ALOX15B: variants seen among roughly 807,000 people sequenced by gnomAD.
ALOX15B encodes the protein arachidonate 15-lipoxygenase type B, also known as polyunsaturated fatty acid lipoxygenase ALOX15B.
In ALOX15B, 74 loss-of-function variants were observed where a neutral mutation model predicts 73.8. The observed-to-expected ratio is 1.00, with a 90% CI of 0.83 to 1.22. ALOX15B has a LOEUF of 1.22. Among genes scored for constraint, ALOX15B ranks in the 50% most tolerant of loss-of-function variants. The pLI is 0.00. For synonymous variants in ALOX15B, 353 were observed against 357.2 expected, an observed-to-expected ratio of 0.99 and a Z score of 0.13; for missense variants, 896 against 859.9, an observed-to-expected ratio of 1.04 and a Z score of -0.52.
chr17:8,048,811 G>A lies in ALOX15B; in HGVS notation c.*246G>A, dbSNP rs1437448399. 2.2e-5 allele frequency: 9 copies of A among 418,308 alleles called. No individual in the cohort carries two copies. Among genetic ancestry groups the A allele is most frequent in the Non-Finnish European group, 3.8e-5 (9 of 239,920 alleles). 25.9% of individuals were successfully genotyped at this position (418,308 alleles called of 1,614,324 possible). A position where few individuals can be genotyped will look rare whatever the true frequency, so the allele number is the denominator to read the frequency against. ...GACAGAACCACTGAGTCTTTTGGAG[G>A]CTCCAAGCCTCAAAGTGCCCGCAGA... On this transcript the variant is annotated 3_prime_UTR_variant, in exon 14 of 14. Coordinates refer to ENST00000380183, the MANE Select transcript of ALOX15B (RefSeq NM_001141.3).
chr17:8,039,551 C>T lies in ALOX15B; in HGVS notation c.313C>T (p.Pro105Ser), dbSNP rs917627708. Residue 105 changes from proline (P) to serine (S), a missense_variant, in exon 2 of 14, where the codon CCC becomes TCC. Transcript: ENST00000380183. Reference sequence around the variant, plus strand: ...GCCGCGGGGCGGCCACCTCCTCTTCCCCTGCTACCAGTGGCTGGAGGGGGC... The same window carrying T: ...GCCGCGGGGCGGCCACCTCCTCTTCTCCTGCTACCAGTGGCTGGAGGGGGC... The part of the protein sequence containing the change: ...TPPRGGHLLF[P>S]CYQWLEGAGT... 1.3e-6 allele frequency: 2 copies of T among 1,541,792 alleles called. No homozygotes were observed. Among genetic ancestry groups the T allele is most frequent in the Admixed American group, 1.9e-5 (1 of 51,440 alleles).
chr17:8,047,829 G>T lies in ALOX15B; in HGVS notation c.1765G>T (p.Gly589Cys). 2 of 1,614,146 alleles carry T rather than the reference G, an allele frequency of 1.2e-6. No individual in the cohort carries two copies. Among genetic ancestry groups the T allele is most frequent in the Non-Finnish European group, 1.7e-6 (2 of 1,180,026 alleles). Residue 589 changes from glycine to cysteine, a missense_variant, in exon 13 of 14, where the codon GGC becomes TGC. Coordinates refer to ENST00000380183, the MANE Select transcript of ALOX15B (RefSeq NM_001141.3). ...CTCCAAAGGCCTGGCAACATGCGAGGGCTTCATAGCCACCCTCCCACCTGT... is the reference window on the plus strand; with the variant it reads ...CTCCAAAGGCCTGGCAACATGCGAGTGCTTCATAGCCACCCTCCCACCTGT... ...PTSKGLATCE[G>C]FIATLPPVNA...
intron 9 of ALOX15B, 54 bp downstream of exon 9, chr17:8,046,808 T>A: frequency 6.2e-7 from 1 of 1,612,346 alleles, no homozygotes; most frequent in Non-Finnish European, 8.5e-7. Flanking sequence ...ATGTGACGAA[T>A]TTGAGGTCCT....
chr17:8,043,761 A>G (rs1435762918), intron 5 of ALOX15B, among the ~76,000 whole-genome samples: 4 of 152,106 alleles, frequency 2.6e-5, no homozygotes, highest in Non-Finnish European at 5.9e-5. Flanking sequence ...TGTGAGGGGT[A>G]CTGCCAAGAG....
chr17:8,046,790 C>A (rs1363077018), intron 9 of ALOX15B, 36 bp downstream of exon 9: 1 of 1,612,860 alleles, frequency 6.2e-7, no homozygotes, highest in Admixed American at 1.7e-5. Flanking sequence ...AGGCAGGCCA[C>A]TCCTTCAATG....
At chr17:8,046,517 C>T in intron 8 of ALOX15B, 151 bp from the exon 9 acceptor site, 1 of 730,864 alleles carries the variant, frequency 1.4e-6, no homozygotes, top group Non-Finnish European at 2.3e-6. Context: ...CCAGCAGGAA[C>T]TCCAGGGCTC....
intron 5 of ALOX15B, among the ~76,000 whole-genome samples, chr17:8,043,290 AG>A: frequency 1.3e-5 from 2 of 152,184 alleles, no homozygotes. Flanking sequence ...AGCTCTCCCA[AG>A]GGGGTGAACT....
chr17:8,048,013 C>T (rs554593315), intron 13 of ALOX15B, 98 bp downstream of exon 13: 757 of 1,406,010 alleles, frequency 5.4e-4, no homozygotes, highest in Non-Finnish European at 6.7e-4. Flanking sequence ...CATCAGGTAG[C>T]GGGTCCCTTT....
intron 9 of ALOX15B, 70 bp downstream of exon 9, chr17:8,046,824 A>G: frequency 6.2e-7 from 1 of 1,611,556 alleles, no homozygotes; most frequent in Non-Finnish European, 8.5e-7. Context: ...GTCCTGGGGT[A>G]GGAGTGGCCC....
chr17:8,040,421 T>C (rs905107412), intron 3 of ALOX15B, among the ~76,000 whole-genome samples: 2 of 151,590 alleles, frequency 1.3e-5, no homozygotes, highest in South Asian at 2.1e-4. Flanking sequence ...GGCGGGCACC[T>C]GTATTCTCAG....
intron 3 of ALOX15B, among the ~76,000 whole-genome samples, chr17:8,040,647 G>GA (rs756810852): frequency 2.3e-4 from 28 of 122,382 alleles, no homozygotes; most frequent in African/African-American, 7.6e-4. Flanking sequence ...AAGAAAGAAA[G>GA]AAAGAAAAGA....
Position 8,042,515 on chromosome 17 carries a change from C to T in ALOX15B, c.572+24C>T, listed in dbSNP as rs192093858. On this transcript the variant is annotated intron_variant, in intron 4 of 13. Transcript: ENST00000380183. ...GCGTGAGGATGCCCACCCTTCCCTG[C>T]CCCTGGGCCTCAGATGCCCTATGAC... 6.2e-6 allele frequency: 10 copies of T among 1,610,452 alleles called. No individual in the cohort carries two copies. The African/African-American group carries it at 1.2e-4, about 19-fold the overall frequency.
Position 8,048,403 on chromosome 17 carries a change from T to A in ALOX15B, c.1869T>A (p.Tyr623Ter). 5.0e-6 allele frequency: 8 copies of A among 1,613,146 alleles called. No homozygotes were observed. The highest frequency in any genetic ancestry group is 6.8e-6 in the Non-Finnish European group (8 of 1,179,494). The part of the protein sequence containing the change: ...EPGDQRPLGT[Y>*]PDEHFTEEAP... Reference sequence around the variant, plus strand: ...ATCCTCAGAGGCCCCTGGGCACCTATCCGGATGAGCACTTCACAGAGGAGG... The same window carrying A: ...ATCCTCAGAGGCCCCTGGGCACCTAACCGGATGAGCACTTCACAGAGGAGG... Residue 623 changes from tyrosine (Y) to a stop codon, truncating the protein, a stop_gained, in exon 14 of 14, where the codon TAT becomes TAA. Coordinates refer to ENST00000380183, the MANE Select transcript of ALOX15B (RefSeq NM_001141.3). LOFTEE classifies it low-confidence loss of function (END_TRUNC).
At position 8,048,430 on chromosome 17, in the gene ALOX15B, C is replaced by A; in HGVS notation, c.1896C>A (p.Ala632=). The part of the protein sequence containing the change: ...TYPDEHFTEE[A]PRRSIATFQS... ...CGGATGAGCACTTCACAGAGGAGGC[C>A]CCTCGGCGGAGCATCGCCACCTTCC... Residue 632 remains alanine, a synonymous_variant, in exon 14 of 14, where the codon GCC becomes GCA. Coordinates refer to ENST00000380183, the MANE Select transcript of ALOX15B (RefSeq NM_001141.3). The A allele has an allele frequency of 6.2e-7, 1 of 1,614,062 alleles. No homozygotes were observed.
intron 3 of ALOX15B, among the ~76,000 whole-genome samples, chr17:8,041,558 TGGTGG>T (rs1277643413): frequency 6.6e-6 from 1 of 152,262 alleles, no homozygotes; most frequent in African/African-American, 2.4e-5. Context: ...GGCCACCACC[TGGTGG>T]CAGTGTACTT....
rs533198158 is a variant in ALOX15B, at chr17:8,039,098, G to C, written c.-58G>C. ...GGGGCAATAACCAGGCGTGTCCCAG[G>C]GGGGAGCCCCGCTCTGCAGCCCTGT... On this transcript the variant is annotated 5_prime_UTR_variant, in exon 1 of 14. Coordinates refer to ENST00000380183, the MANE Select transcript of ALOX15B (RefSeq NM_001141.3). 1.9e-4 allele frequency: 294 copies of C among 1,573,788 alleles called. 3 individuals are homozygous for C. In the East Asian group the frequency reaches 5.7e-3, roughly 30 times the overall value.
At chr17:8,040,639 G>GA (rs760917197) in intron 3 of ALOX15B, among the ~76,000 whole-genome samples, 1 of 132,488 alleles carries the variant, frequency 7.5e-6, no homozygotes, top group Non-Finnish European at 1.8e-5. Context: ...AAGAAAGAAA[G>GA]AAAGAAAGAA....
rs1976520112 is a variant in ALOX15B at position 8,043,650 on chromosome 17, G to A, written c.676+766G>A. ...GAATCTGCTATGAGGCTCTGGCTGT[G>A]GTCACCAGAGGATGGTGGCCTCAGC... On this transcript the variant is annotated intron_variant, in intron 5 of 13. Coordinates refer to ENST00000380183, the MANE Select transcript of ALOX15B (RefSeq NM_001141.3). Among the ~76,000 whole-genome samples, 5 of 152,128 alleles carry A rather than the reference G, an allele frequency of 3.3e-5. No homozygotes were observed. In the South Asian group the frequency reaches 8.3e-4, roughly 25 times the overall value.
At chr17:8,041,677 A>G (rs996809910) in intron 3 of ALOX15B, among the ~76,000 whole-genome samples, 1 of 152,238 alleles carries the variant, frequency 6.6e-6, no homozygotes, top group African/African-American at 2.4e-5. Context: ...GGGGTCATCA[A>G]GTTTGCAGAT....
Sources: allele counts gnomAD v4.1 joint callset (sites outside exome capture counted in the v4.1 genomes callset), GRCh38; gene constraint gnomAD v4.1.1; transcripts MANE v1.5; gene names NCBI Gene and HGNC (gene_info 2026-07-23, HGNC 2026-07-21).